Variants in CDH13 observed in about 807,000 individuals in gnomAD.
CDH13 encodes cadherin-13.
CDH13 carries 24 observed loss-of-function variants against 63.8 expected under a neutral mutation model. That is an observed-to-expected ratio of 0.38 (90% CI 0.27 to 0.53). The LOEUF (loss-of-function observed/expected upper bound fraction) is 0.53, where lower values mean the gene tolerates loss of function less well. CDH13 is among the 20% of genes least tolerant of loss of function. CDH13 has a pLI of 0.85. For missense variants in CDH13, 1,049 were observed against 903.1 expected (o/e 1.16, Z -2.07); for synonymous variants, 503 against 355.3 (o/e 1.42, Z -4.67).
At chr16:83,366,782 G>A (rs897872356) in intron 6 of CDH13, among the ~76,000 whole-genome samples, 7 of 152,220 alleles carry the variant, frequency 4.6e-5, no homozygotes, top group Non-Finnish European at 1.0e-4. Flanking sequence ...GTCTGAAATG[G>A]GGAGCACAGA....
At chr16:83,486,449 T>A (rs2073892261) in intron 6 of CDH13, 28 bp from the exon 7 acceptor site, 1 of 1,599,202 alleles carries the variant, frequency 6.3e-7, no homozygotes, top group Non-Finnish European at 8.5e-7. Flanking sequence ...TGATAACCAT[T>A]CCGTGCCTTT....
intron 5 of CDH13, among the ~76,000 whole-genome samples, chr16:83,226,407 C>G (rs1218971342): frequency 6.6e-6 from 1 of 152,214 alleles, no homozygotes. Context: ...ACAAACTCCT[C>G]AGAAGAGGTT....
At chr16:82,870,429 T>C (rs183495139) in intron 2 of CDH13, among the ~76,000 whole-genome samples, 8 of 152,048 alleles carry the variant, frequency 5.3e-5, no homozygotes, top group African/African-American at 1.9e-4. Flanking sequence ...AAACTAAAAA[T>C]AGAACTACTA....
intron 4 of CDH13, among the ~76,000 whole-genome samples, chr16:83,156,191 C>T (rs887913168): frequency 6.6e-5 from 10 of 152,212 alleles, no homozygotes; most frequent in African/African-American, 2.2e-4. Context: ...AATAACCAAA[C>T]TCCTTGAGTT....
intron 5 of CDH13, among the ~76,000 whole-genome samples, chr16:83,294,217 C>T (rs954277625): frequency 6.6e-6 from 1 of 152,054 alleles, no homozygotes; most frequent in African/African-American, 2.4e-5. Context: ...TGCATTATGT[C>T]ACAGTTACTA....
At chr16:82,822,988 A>T (rs1010274578) in intron 1 of CDH13, among the ~76,000 whole-genome samples, 2 of 152,130 alleles carry the variant, frequency 1.3e-5, no homozygotes, top group Non-Finnish European at 2.9e-5. Flanking sequence ...ACAGAGAGAC[A>T]AACCTCTGAG....
intron 2 of CDH13, among the ~76,000 whole-genome samples, chr16:82,984,257 T>G (rs1443918545): frequency 6.6e-6 from 1 of 152,222 alleles, no homozygotes; most frequent in Admixed American, 6.5e-5. Flanking sequence ...ACTGCTTTGT[T>G]GAACAGAATT....
intron 3 of CDH13, among the ~76,000 whole-genome samples, chr16:83,122,504 C>A (rs1410920410): frequency 6.6e-6 from 1 of 152,162 alleles, no homozygotes; most frequent in East Asian, 1.9e-4. Flanking sequence ...TTGGAGAGTG[C>A]ATTCCAACAG....
At chr16:82,841,003 G>A (rs994845787) in intron 1 of CDH13, among the ~76,000 whole-genome samples, 2 of 152,206 alleles carry the variant, frequency 1.3e-5, no homozygotes, top group Admixed American at 6.5e-5. Context: ...ATCACTTTTA[G>A]TTGACTATGA....
intron 2 of CDH13, among the ~76,000 whole-genome samples, chr16:82,917,497 A>G (rs1418203600): frequency 2.6e-5 from 4 of 152,180 alleles, no homozygotes; most frequent in African/African-American, 9.6e-5. Flanking sequence ...GAGAGGCAAG[A>G]AGGAGTGGAA....
chr16:83,657,419 T>C (rs1445260163), intron 8 of CDH13, among the ~76,000 whole-genome samples: 2 of 152,190 alleles, frequency 1.3e-5, no homozygotes, highest in Non-Finnish European at 2.9e-5. Context: ...TCTAGGTTCA[T>C]GAGTAGGCAG....
chr16:83,793,408 C>T (rs1041332960), intron 13 of CDH13, among the ~76,000 whole-genome samples: 2 of 152,174 alleles, frequency 1.3e-5, no homozygotes, highest in African/African-American at 2.4e-5. Context: ...TGGAGCCAGC[C>T]CCGCAGCTGG....
chr16:83,492,414 C>G (rs1418600935), intron 7 of CDH13, among the ~76,000 whole-genome samples: 2 of 152,104 alleles, frequency 1.3e-5, no homozygotes, highest in African/African-American at 4.8e-5. Flanking sequence ...TGGGTGGGAC[C>G]AGAATGATTC....
chr16:82,856,098 C>T (rs1277645330), intron 1 of CDH13, among the ~76,000 whole-genome samples: 3 of 152,028 alleles, frequency 2.0e-5, no homozygotes, highest in South Asian at 4.1e-4. Context: ...TAGCTGGGGC[C>T]GGGCACGGTG....
rs148808765 is a variant in CDH13 at position 83,544,875 on chromosome 16, C to T, written c.961-57579C>T. 2.7e-4 allele frequency among the ~76,000 whole-genome samples: 41 copies of T among 152,272 alleles called. No homozygotes were observed. In the East Asian group the frequency reaches 7.5e-3, roughly 28 times the overall value. Reference sequence around the variant, plus strand: ...AAATACATCTAACAATGTCTGGCCACAGTATAAGCTCAATAAATGTTAGTT... The same window carrying T: ...AAATACATCTAACAATGTCTGGCCATAGTATAAGCTCAATAAATGTTAGTT... On this transcript the variant is annotated intron_variant, in intron 7 of 13. Transcript: ENST00000567109.
At chr16:83,325,203 C>G (rs991463932) in intron 5 of CDH13, among the ~76,000 whole-genome samples, 1 of 152,172 alleles carries the variant, frequency 6.6e-6, no homozygotes, top group African/African-American at 2.4e-5. Flanking sequence ...AATCTTAAGA[C>G]TATTTTTTAA....
At chr16:83,140,327 C>A (rs1259113822) in intron 4 of CDH13, among the ~76,000 whole-genome samples, 4 of 152,222 alleles carry the variant, frequency 2.6e-5, no homozygotes, top group Non-Finnish European at 5.9e-5. Context: ...TTCTTCATGT[C>A]CTTCATCAAC....
chr16:83,296,283 G>C (rs987161787), intron 5 of CDH13, among the ~76,000 whole-genome samples: 1 of 152,080 alleles, frequency 6.6e-6, no homozygotes, highest in Non-Finnish European at 1.5e-5. Flanking sequence ...TCATTTTACA[G>C]ATGAGAAAAT....
Position 82,700,650 on chromosome 16 carries a change from C to G in CDH13, c.45+73513C>G, listed in dbSNP as rs73601098. Among the ~76,000 whole-genome samples, 1,184 of 152,018 alleles carry G rather than the reference C, an allele frequency of 7.8e-3. 10 individuals are homozygous for G. The highest frequency in any genetic ancestry group is 0.027 in the African/African-American group (1,120 of 41,476). On this transcript the variant is annotated intron_variant, in intron 1 of 13. Coordinates refer to ENST00000567109, the MANE Select transcript of CDH13 (RefSeq NM_001257.5). ...AGAATCTCAGGTTTTCAGTCCTGTC[C>G]TAGAATTTCAAAAACAGTCAGAGAA... is the stretch of plus-strand genomic sequence containing the variant.
Sources: allele counts gnomAD v4.1 joint callset (sites outside exome capture counted in the v4.1 genomes callset), GRCh38; gene constraint gnomAD v4.1.1; transcripts MANE v1.5; gene names NCBI Gene and HGNC (gene_info 2026-07-23, HGNC 2026-07-21).